DUSP9: variants seen among roughly 807,000 people sequenced by gnomAD.
DUSP9 encodes the protein dual specificity phosphatase 9, also known as dual specificity protein phosphatase 9.
A neutral mutation model predicts 13.2 loss-of-function variants in DUSP9; 4 were observed. The ratio of observed to expected loss-of-function variants is 0.30; its 90% CI spans 0.15 to 0.69. The LOEUF (loss-of-function observed/expected upper bound fraction) is 0.69. DUSP9 is among the 30% of genes least tolerant of loss of function. DUSP9 has a pLI of 0.73. For missense variants in DUSP9, 263 were observed against 355.0 expected, an observed-to-expected ratio of 0.74 and a Z score of 2.08; for synonymous variants, 166 against 172.3, an observed-to-expected ratio of 0.96 and a Z score of 0.29.
At chrX:153,647,758 C>G in intron 1 of DUSP9, 161 bp from the exon 2 acceptor site, 1 of 347,815 alleles carries the variant, frequency 2.9e-6, no homozygotes, top group African/African-American at 2.7e-5. Flanking sequence ...AGGACCCTTC[C>G]CCGGGCCGAG....
intron 2 of DUSP9, 68 bp downstream of exon 2, chrX:153,648,394 T>A (rs1354316176): frequency 1.1e-5 from 11 of 1,020,907 alleles, no homozygotes; most frequent in Middle Eastern, 6.8e-4. Flanking sequence ...GCCCCACTTC[T>A]TTTTTTCTAA....
chrX:153,649,249 C>A lies in DUSP9; in HGVS notation c.391C>A (p.Gln131Lys). The change falls in exon 3 of 4, where the codon CAG becomes AAG. Residue 131 changes from glutamine (Q) to lysine (K), a missense_variant. By Grantham distance (53) the Gln-to-Lys change is moderately conservative. Transcript: ENST00000342782. ...CCCAACAGGAGGCTTCAGCAGATTC[C>A]AGGCCGAGTGCCCTCACCTGTGTGA... Reference protein sequence around the residue: ...YYLQGGFSRFQAECPHLCETS... With the variant: ...YYLQGGFSRFKAECPHLCETS... 8.3e-7 allele frequency: 1 copy of A among 1,210,816 alleles called. No individual in the cohort carries two copies. The highest frequency in any genetic ancestry group is 1.1e-6 in the Non-Finnish European group (1 of 895,511).
At chrX:153,643,447 T>C (rs1557035076), upstream of DUSP9, 1 of 341,174 alleles carries the variant, frequency 2.9e-6, no homozygotes, top group East Asian at 9.8e-5. Context: ...CCCAGGTGCC[T>C]CCCTAAACAG....
Position 153,648,133 on chromosome X carries a change from G to T in DUSP9, c.180G>T (p.Ser60=). The T allele has an allele frequency of 1.0e-6, 1 of 992,525 alleles. No homozygotes were observed. The highest frequency in any genetic ancestry group is 1.3e-6 in the Non-Finnish European group (1 of 791,997). The allele number at this position is 992,525 out of a possible 1,213,427, so 81.8% of individuals were successfully genotyped here. Residue 60 remains serine, a synonymous_variant, in exon 2 of 4, where the codon TCG becomes TCT. Coordinates refer to ENST00000342782, the MANE Select transcript of DUSP9 (RefSeq NM_001318503.2). ...GCCGCCTGCGGAGGGGCAGCCTGTC[G>T]GTGCGCGCGCTCCTGCCTGGGCCGC... The part of the protein sequence containing the change: ...LLRRLRRGSL[S]VRALLPGPPL...
At chrX:153,644,280 C>CGGCGGG (rs781786533), upstream of DUSP9, among the ~76,000 whole-genome samples, 15,084 of 44,237 alleles carry the variant, frequency 0.34, 1,574 homozygotes, top group Middle Eastern at 0.52. Context: ...CCGGGGCGCC[C>CGGCGGG]GGCGGGGGCG....
At chrX:153,649,164 G>A in intron 2 of DUSP9, 68 bp from the exon 3 acceptor site, 1 of 1,059,874 alleles carries the variant, frequency 9.4e-7, no homozygotes, top group Non-Finnish European at 1.3e-6. Flanking sequence ...CATCTCCCCA[G>A]CCCCAGACAG....
chrX:153,649,833 C>T (rs941586579), intron 3 of DUSP9, 146 bp downstream of exon 3: 15 of 887,162 alleles, frequency 1.7e-5, no homozygotes, highest in South Asian at 2.4e-5. Context: ...AGAGCTAGGG[C>T]GGCCCCCAGA....
chrX:153,650,454 T>A lies in DUSP9; in HGVS notation c.*149T>A. On this transcript the variant is annotated 3_prime_UTR_variant, in exon 4 of 4. Transcript: ENST00000342782. ...CAATACCTCACGCGGGCTGCCGTCC[T>A]AATCAACGTGCCTATGGCGGGACCA... The A allele has an allele frequency of 2.2e-6, 1 of 453,357 alleles. No individual in the cohort carries two copies. Among genetic ancestry groups the A allele is most frequent in the Non-Finnish European group, 3.8e-6 (1 of 266,327 alleles). 37.4% of individuals were successfully genotyped at this position (453,357 alleles called of 1,213,427 possible).
rs1557036564 is a variant in DUSP9, at chrX:153,651,325, G to A, written c.*1020G>A. ...GAATAAACAGTTTATTTAAGATACTGAGTAGAGAGAGAAGCTACCTCCTGA... is the reference window on the plus strand; with the variant it reads ...GAATAAACAGTTTATTTAAGATACTAAGTAGAGAGAGAAGCTACCTCCTGA... On this transcript the variant is annotated 3_prime_UTR_variant, in exon 4 of 4. Coordinates refer to ENST00000342782, the MANE Select transcript of DUSP9 (RefSeq NM_001318503.2). 1 of 112,342 alleles carries A rather than the reference G, an allele frequency of 8.9e-6. No individual in the cohort carries two copies. The highest frequency in any genetic ancestry group is 3.2e-5 in the African/African-American group (1 of 30,889). The allele number at this position is 112,342 out of a possible 1,213,427, so 9.3% of individuals were successfully genotyped here. A position where few individuals can be genotyped will look rare whatever the true frequency, so the allele number is the denominator to read the frequency against.
In DUSP9 at chrX:153,648,269, C is replaced by A; in HGVS notation, c.316C>A (p.Leu106Met). ...CGAGGAGTGGGAGGCCGAGTCGGTG[C>A]TGGGCACCCTGCTGCAGAAGCTGCG... ...EAEEWEAESV[L>M]GTLLQKLREE... Residue 106 changes from leucine (L) to methionine (M), a missense_variant, in exon 2 of 4, where the codon CTG (leucine) becomes ATG (methionine). Coordinates refer to ENST00000342782, the MANE Select transcript of DUSP9 (RefSeq NM_001318503.2). 1 of 1,135,976 alleles carries A rather than the reference C, an allele frequency of 8.8e-7. No individual in the cohort carries two copies. The highest frequency in any genetic ancestry group is 1.2e-6 in the Non-Finnish European group (1 of 864,034). 93.6% of individuals were successfully genotyped at this position (1,135,976 alleles called of 1,213,427 possible).
At chrX:153,645,169 A>G (rs2148320303), upstream of DUSP9, among the ~76,000 whole-genome samples, 1 of 112,750 alleles carries the variant, frequency 8.9e-6, no homozygotes, top group South Asian at 3.7e-4. Context: ...ACACACTGAG[A>G]AAGGGGGAAA....
chrX:153,648,705 C>T (rs1336411496), intron 2 of DUSP9, among the ~76,000 whole-genome samples: 5 of 112,142 alleles, frequency 4.5e-5, no homozygotes, highest in African/African-American at 1.6e-4. Context: ...CTCCTGGGCT[C>T]AAGCGATCCT....
In DUSP9 at chrX:153,650,005, G is replaced by C. The variant is rs148652346; in HGVS notation, c.855G>C (p.Gly285=). 1 of 1,208,267 alleles carries C rather than the reference G, an allele frequency of 8.3e-7. No homozygotes were observed. The highest frequency in any genetic ancestry group is 1.8e-5 in the African/African-American group (1 of 56,921). ...FIDEALSQNC[G]VLVHCLAGVS... is the part of the protein sequence containing the mutation. The stretch of plus-strand genomic sequence containing the variant: ...ATGAGGCCTTGTCCCAGAACTGCGG[G>C]GTGCTCGTCCACTGCTTGGCGGGGG... The change falls in exon 4 of 4, where the codon GGG becomes GGC. Residue 285 remains glycine (G), a synonymous_variant. Coordinates refer to ENST00000342782, the MANE Select transcript of DUSP9 (RefSeq NM_001318503.2).
At chrX:153,649,889 C>A in intron 3 of DUSP9, 91 bp from the exon 4 acceptor site, 1 of 1,060,078 alleles carries the variant, frequency 9.4e-7, no homozygotes, top group Non-Finnish European at 1.3e-6. Context: ...GCCCAGGGGG[C>A]AGGGCGGGGC....
intron 2 of DUSP9, 64 bp downstream of exon 2, chrX:153,648,390 C>T: frequency 1.9e-6 from 2 of 1,031,475 alleles, no homozygotes; most frequent in South Asian, 2.6e-5. Flanking sequence ...GCCAGCCCCA[C>T]TTCTTTTTTT....
chrX:153,645,423 G>A (rs782754588), upstream of DUSP9, among the ~76,000 whole-genome samples: 2 of 113,111 alleles, frequency 1.8e-5, no homozygotes, highest in East Asian at 2.8e-4. Flanking sequence ...GGGTGTGGCC[G>A]GAAAGCAGCC....
In DUSP9 at chrX:153,650,480, C is replaced by A. The variant is rs1341194087; in HGVS notation, c.*175C>A. On this transcript the variant is annotated 3_prime_UTR_variant, in exon 4 of 4. Coordinates refer to ENST00000342782, the MANE Select transcript of DUSP9 (RefSeq NM_001318503.2). The stretch of plus-strand genomic sequence containing the variant: ...AATCAACGTGCCTATGGCGGGACCA[C>A]GCTCGGAGCCTGCCTCTTCTGCGAC... The A allele has an allele frequency of 4.7e-6, 2 of 425,725 alleles. No individual in the cohort carries two copies. Among genetic ancestry groups the A allele is most frequent in the African/African-American group, 5.0e-5 (2 of 40,208 alleles). The allele number at this position is 425,725 out of a possible 1,213,427, so 35.1% of individuals were successfully genotyped here.
chrX:153,647,749 G>C (rs1730299562), intron 1 of DUSP9, 170 bp from the exon 2 acceptor site: 3 of 323,223 alleles, frequency 9.3e-6, no homozygotes, highest in African/African-American at 8.2e-5. Context: ...CTCTTCTCGA[G>C]GACCCTTCCC....
chrX:153,649,744 C>A (rs1557036183), intron 3 of DUSP9, 57 bp downstream of exon 3: 2 of 1,030,958 alleles, frequency 1.9e-6, no homozygotes, highest in African/African-American at 3.8e-5. Flanking sequence ...GCTCTGGCCT[C>A]CCCCTTGTGA....
Sources: gnomAD v4.1 joint callset for allele counts (sites outside exome capture counted in the v4.1 genomes callset) on GRCh38, gnomAD v4.1.1 for gene constraint, MANE v1.5 for transcripts, NCBI Gene and HGNC (gene_info 2026-07-23, HGNC 2026-07-21) for gene names.